MAP2K5: variants seen among roughly 807,000 people sequenced by gnomAD.
MAP2K5 encodes the protein mitogen-activated protein kinase kinase 5.
MAP2K5 carries 49 observed loss-of-function variants against 83.1 expected under a neutral mutation model. That is an observed-to-expected ratio of 0.59 (90% confidence interval 0.47 to 0.75). MAP2K5 has a LOEUF of 0.75. MAP2K5 is among the 30% of genes least tolerant of loss of function. MAP2K5 has a pLI of 0.00. For missense variants in MAP2K5, 457 were observed against 557.5 expected (o/e 0.82, Z 1.82); for synonymous variants, 202 against 191.8 (o/e 1.05, Z -0.44).
chr15:67,676,071 A>G lies in MAP2K5; in HGVS notation c.847+11426A>G, dbSNP rs537350452. Among the ~76,000 whole-genome samples, 1 of 152,300 alleles carries G rather than the reference A, an allele frequency of 6.6e-6. No homozygotes were observed. Among genetic ancestry groups the G allele is most frequent in the African/African-American group, 2.4e-5 (1 of 41,564 alleles). On this transcript the variant is annotated intron_variant, in intron 13 of 21. Transcript: ENST00000178640. The surrounding 1 kb of genome is among the most constrained non-coding windows in gnomAD (Gnocchi z 4.8). ...TGTGTGTTTTGGCTCACCAGTCTCT[A>G]TAGTATCCATTAGGGTAAGCTTCTA...
intron 13 of MAP2K5, among the ~76,000 whole-genome samples, chr15:67,685,139 A>C (rs558276940): frequency 6.6e-6 from 1 of 152,332 alleles, no homozygotes; most frequent in Non-Finnish European, 1.5e-5. Context: ...ACAGAGCCAC[A>C]CCAAAGCACA....
intron 17 of MAP2K5, among the ~76,000 whole-genome samples, chr15:67,730,490 C>T (rs2089196383): frequency 6.6e-6 from 1 of 152,190 alleles, no homozygotes; most frequent in African/African-American, 2.4e-5. Flanking sequence ...GGATCTTAGA[C>T]ATCATCAAAT....
chr15:67,782,398 A>T lies in MAP2K5; in HGVS notation c.1242+9646A>T, dbSNP rs574810635. 2.4e-3 allele frequency among the ~76,000 whole-genome samples: 365 copies of T among 152,352 alleles called. 3 individuals are homozygous for T. The highest frequency in any genetic ancestry group is 8.3e-3 in the African/African-American group (345 of 41,588). ...ATGCCCTAACCATTTTGGGGGATTG[A>T]TTTGAGGGCACCGAGGAATCGATTT... On this transcript the variant is annotated intron_variant, in intron 21 of 21. Transcript: ENST00000178640. The surrounding 1 kb of genome is among the most constrained non-coding windows in gnomAD (Gnocchi z 4.9).
chr15:67,568,724 T>TG (rs1249523767), intron 3 of MAP2K5, among the ~76,000 whole-genome samples: 1 of 151,984 alleles, frequency 6.6e-6, no homozygotes, highest in Admixed American at 6.6e-5. Flanking sequence ...AATACTCTGT[T>TG]GGCTGGGCGC....
intron 16 of MAP2K5, among the ~76,000 whole-genome samples, chr15:67,712,569 C>G (rs1261876084): frequency 6.6e-6 from 1 of 152,084 alleles, no homozygotes; most frequent in African/African-American, 2.4e-5. Flanking sequence ...TAAGAACAGG[C>G]TGCTGTAACA....
At chr15:67,663,785 G>A (rs1457272484) in intron 12 of MAP2K5, among the ~76,000 whole-genome samples, 1 of 152,156 alleles carries the variant, frequency 6.6e-6, no homozygotes, top group African/African-American at 2.4e-5. Context: ...TGAGGTGGGA[G>A]GATTGTTTGA....
intron 12 of MAP2K5, 89 bp from the exon 13 acceptor site, chr15:67,664,508 A>G: frequency 2.3e-6 from 2 of 862,534 alleles, no homozygotes; most frequent in South Asian, 3.1e-5. Flanking sequence ...GTCTCAAAAA[A>G]AAAAAAATGT....
chr15:67,724,173 ACT>A lies in MAP2K5; in HGVS notation c.1045-3738_1045-3737del, dbSNP rs2089034756. 6.6e-6 allele frequency among the ~76,000 whole-genome samples: 1 copy of A among 152,124 alleles called. No homozygotes were observed. The highest frequency in any genetic ancestry group is 2.1e-4 in the South Asian group (1 of 4,828). The stretch of plus-strand genomic sequence containing the variant: ...CAGGCCATTTCAGAGAAGATTACAT[ACT>A]CTCTTTTGTAAGTTTCCTAATTTAT... On this transcript the variant is annotated intron_variant, in intron 16 of 21. Coordinates refer to ENST00000178640, the MANE Select transcript of MAP2K5 (RefSeq NM_145160.3). This position sits in a 1 kb window ranked among gnomAD's most constrained non-coding sequence, Gnocchi z 4.4.
rs1361682444 is a variant in MAP2K5, at chr15:67,577,473, AAGT to A, written c.253-3279_253-3277del. Among the ~76,000 whole-genome samples, 1 of 152,218 alleles carries A rather than the reference AAGT, an allele frequency of 6.6e-6. No individual in the cohort carries two copies. The highest frequency in any genetic ancestry group is 1.5e-5 in the Non-Finnish European group (1 of 68,042). On this transcript the variant is annotated intron_variant, in intron 3 of 21. Coordinates refer to ENST00000178640, the MANE Select transcript of MAP2K5 (RefSeq NM_145160.3). The surrounding 1 kb of genome is among the most constrained non-coding windows in gnomAD (Gnocchi z 4.1). ...AAGATGAAGTTATTTGGATAACTTG[AAGT>A]AATATTATGAAGGTTACTTTGTTAC...
At chr15:67,661,883 C>CA (rs2087246217) in intron 12 of MAP2K5, among the ~76,000 whole-genome samples, 1 of 152,024 alleles carries the variant, frequency 6.6e-6, no homozygotes. Context: ...TCCTATTACT[C>CA]AAAGAGAAAA....
chr15:67,702,261 T>C lies in MAP2K5; in HGVS notation c.973-1076T>C, dbSNP rs894827959. Among the ~76,000 whole-genome samples, 5 of 152,210 alleles carry C rather than the reference T, an allele frequency of 3.3e-5. No homozygotes were observed. The highest frequency in any genetic ancestry group is 7.3e-5 in the Non-Finnish European group (5 of 68,038). On this transcript the variant is annotated intron_variant, in intron 15 of 21. Transcript: ENST00000178640. The surrounding 1 kb of genome is among the most constrained non-coding windows in gnomAD (Gnocchi z 4.6). ...TACATGGATGTTTATGAATCTGAAATGAGATATGCATGAAAAACACTAAAA... is the reference window on the plus strand; with the variant it reads ...TACATGGATGTTTATGAATCTGAAACGAGATATGCATGAAAAACACTAAAA...
At chr15:67,645,451 C>G (rs2086809862) in intron 9 of MAP2K5, among the ~76,000 whole-genome samples, 1 of 152,208 alleles carries the variant, frequency 6.6e-6, no homozygotes, top group South Asian at 2.1e-4. Flanking sequence ...GCACTCCAGC[C>G]TGGGTGACAG....
In MAP2K5 at chr15:67,764,650, A is replaced by C. The variant is rs1203431155; in HGVS notation, c.1135-4952A>C. 6.6e-6 allele frequency among the ~76,000 whole-genome samples: 1 copy of C among 152,244 alleles called. No individual in the cohort carries two copies. Among genetic ancestry groups the C allele is most frequent in the East Asian group, 1.9e-4 (1 of 5,202 alleles). On this transcript the variant is annotated intron_variant, in intron 19 of 21. Coordinates refer to ENST00000178640, the MANE Select transcript of MAP2K5 (RefSeq NM_145160.3). The surrounding 1 kb of genome is among the most constrained non-coding windows in gnomAD (Gnocchi z 4.9). Reference sequence around the variant, plus strand: ...GCGTTCCACATGGTAGATGCCCACAAAAGCTGTTGAATGAATGAATGAATA... The same window carrying C: ...GCGTTCCACATGGTAGATGCCCACACAAGCTGTTGAATGAATGAATGAATA...
intron 4 of MAP2K5, among the ~76,000 whole-genome samples, chr15:67,581,390 C>T (rs931866609): frequency 1.3e-5 from 2 of 152,034 alleles, no homozygotes; most frequent in Non-Finnish European, 2.9e-5. Flanking sequence ...TTTTCTTTTT[C>T]CCTTTTAGGT....
rs182292128 is a variant in MAP2K5 at position 67,654,495 on chromosome 15, A to G, written c.737-4058A>G. ...TAAAAATCAATTCTGCCAATCTCTTATTTAATTAGAGTGCTTAAACCTTTT... is the reference window on the plus strand; with the variant it reads ...TAAAAATCAATTCTGCCAATCTCTTGTTTAATTAGAGTGCTTAAACCTTTT... On this transcript the variant is annotated intron_variant, in intron 11 of 21. Transcript: ENST00000178640. 7.9e-5 allele frequency among the ~76,000 whole-genome samples: 12 copies of G among 152,244 alleles called. No homozygotes were observed. In the East Asian group the frequency reaches 2.3e-3, roughly 29 times the overall value.
intron 16 of MAP2K5, among the ~76,000 whole-genome samples, chr15:67,705,070 C>T (rs1222067291): frequency 6.6e-6 from 1 of 152,148 alleles, no homozygotes; most frequent in Non-Finnish European, 1.5e-5. Context: ...TGCTACTGCT[C>T]ATGGTGTTGT....
At chr15:67,771,632 A>G (rs1291350076) in intron 20 of MAP2K5, among the ~76,000 whole-genome samples, 1 of 152,208 alleles carries the variant, frequency 6.6e-6, no homozygotes, top group Non-Finnish European at 1.5e-5. Context: ...GACAGCTTGA[A>G]TTAGTTGCTA....
chr15:67,631,383 C>A (rs1235640075), intron 9 of MAP2K5, among the ~76,000 whole-genome samples: 1 of 152,178 alleles, frequency 6.6e-6, no homozygotes, highest in Non-Finnish European at 1.5e-5. Context: ...TTACCTCCTA[C>A]CTGGACTTTT....
In MAP2K5 at chr15:67,782,393, G is replaced by A. The variant is rs2090343029; in HGVS notation, c.1242+9641G>A. Among the ~76,000 whole-genome samples, 2 of 152,198 alleles carry A rather than the reference G, an allele frequency of 1.3e-5. No individual in the cohort carries two copies. The highest frequency in any genetic ancestry group is 4.1e-4 in the South Asian group (2 of 4,830). On this transcript the variant is annotated intron_variant, in intron 21 of 21. Transcript: ENST00000178640. This position sits in a 1 kb window ranked among gnomAD's most constrained non-coding sequence, Gnocchi z 4.9. Reference sequence around the variant, plus strand: ...AACAGATGCCCTAACCATTTTGGGGGATTGATTTGAGGGCACCGAGGAATC... The same window carrying A: ...AACAGATGCCCTAACCATTTTGGGGAATTGATTTGAGGGCACCGAGGAATC...
Sources: gnomAD v4.1 joint callset for allele counts (sites outside exome capture counted in the v4.1 genomes callset) on GRCh38, gnomAD v4.1.1 for gene constraint, Gnocchi (gnomAD v3.1) non-coding constraint, MANE v1.5 for transcripts, NCBI Gene and HGNC (gene_info 2026-07-23, HGNC 2026-07-21) for gene names.